SYPL1: variants seen among roughly 807,000 people sequenced by gnomAD.
SYPL1 encodes synaptophysin like 1.
Under a neutral mutation model 23.7 loss-of-function variants are expected in SYPL1, and 6 were observed. The observed-to-expected ratio is 0.25, with a 90% CI of 0.14 to 0.50. The LOEUF (loss-of-function observed/expected upper bound fraction) is 0.50. Among genes scored for constraint, SYPL1 ranks in the 20% least tolerant of loss-of-function variants. The pLI is 0.98. For missense variants in SYPL1, 253 were observed against 288.9 expected (o/e 0.88, Z 0.90); for synonymous variants, 102 against 104.5 (o/e 0.98, Z 0.15).
intron 2 of SYPL1, 58 bp downstream of exon 2, chr7:106,099,100 A>G (rs12540052): frequency 0.13 from 209,375 of 1,563,000 alleles, 18,462 homozygotes; most frequent in African/African-American, 0.41. Flanking sequence ...TGGAAATCTT[A>G]ATGACTCACT....
rs1287738772 is a variant in SYPL1, at chr7:106,091,065, T to C, written c.*740A>G. The C allele has an allele frequency of 6.6e-6, 1 of 152,154 alleles. No individual in the cohort carries two copies. The highest frequency in any genetic ancestry group is 1.9e-4 in the East Asian group (1 of 5,194). 9.4% of individuals were successfully genotyped at this position (152,154 alleles called of 1,614,324 possible). A position where few individuals can be genotyped will look rare whatever the true frequency, so the allele number is the denominator to read the frequency against. ...AGGAAACAAATATCACTAAGAGTAA[T>C]GCCCATACATATAAAGATATCTAGT... On this transcript the variant is annotated 3_prime_UTR_variant, in exon 5 of 5. Transcript: ENST00000455385. The surrounding 1 kb of genome is among the most constrained non-coding windows in gnomAD (Gnocchi z 5.0).
intron 1 of SYPL1, 34 bp from the exon 2 acceptor site, chr7:106,099,316 A>G (rs770471246): frequency 6.3e-7 from 1 of 1,588,934 alleles, no homozygotes; most frequent in Non-Finnish European, 8.5e-7. Flanking sequence ...GACAAAAGAA[A>G]AAAAAGATAA....
chr7:106,099,678 G>A (rs572025115), intron 1 of SYPL1, among the ~76,000 whole-genome samples: 52 of 152,246 alleles, frequency 3.4e-4, no homozygotes, highest in Non-Finnish European at 6.0e-4. Context: ...ACAGGTGTGA[G>A]TCACTGTGCC....
rs983583928 is a variant in SYPL1 at position 106,097,650 on chromosome 7, C to A, written c.402+40G>T. 57 of 1,518,106 alleles carry A rather than the reference C, an allele frequency of 3.8e-5. No homozygotes were observed. Among genetic ancestry groups the A allele is most frequent in the Admixed American group, 5.7e-5 (3 of 52,598 alleles). The allele number at this position is 1,518,106 out of a possible 1,614,324, so 94.0% of individuals were successfully genotyped here. ...TAAGAAAATCTATATTTAGCTTATA[C>A]AAATTATTTTTGTATTTAAAAAATA... is the stretch of plus-strand genomic sequence containing the variant. On this transcript the variant is annotated intron_variant, in intron 3 of 4. Coordinates refer to ENST00000455385, the MANE Select transcript of SYPL1 (RefSeq NM_182715.4). The surrounding 1 kb of genome is among the most constrained non-coding windows in gnomAD (Gnocchi z 4.6).
At chr7:106,092,369 C>T (rs900435722) in intron 4 of SYPL1, among the ~76,000 whole-genome samples, 1 of 152,154 alleles carries the variant, frequency 6.6e-6, no homozygotes, top group Non-Finnish European at 1.5e-5. Flanking sequence ...AATGAGTTAA[C>T]CTCAAAGAAA....
intron 1 of SYPL1, among the ~76,000 whole-genome samples, chr7:106,110,373 T>C (rs1404678535): frequency 6.6e-6 from 1 of 152,234 alleles, no homozygotes; most frequent in African/African-American, 2.4e-5. Context: ...TATGAAGTCC[T>C]CCCTAGTTCC....
At chr7:106,094,370 T>C (rs573330529) in intron 3 of SYPL1, among the ~76,000 whole-genome samples, 1 of 152,242 alleles carries the variant, frequency 6.6e-6, no homozygotes, top group Non-Finnish European at 1.5e-5. Flanking sequence ...CTATGCTATA[T>C]AGCTTGCCCA....
At chr7:106,111,669 C>T (rs1378024006) in intron 1 of SYPL1, among the ~76,000 whole-genome samples, 2 of 152,250 alleles carry the variant, frequency 1.3e-5, no homozygotes, top group Non-Finnish European at 2.9e-5. Context: ...GGAATGCTCG[C>T]CAAATCACGT....
upstream of SYPL1, chr7:106,112,313 G>A (rs1790212380): frequency 3.0e-6 from 4 of 1,311,922 alleles, no homozygotes; most frequent in Non-Finnish European, 2.9e-6. Context: ...GGGCTGGCGC[G>A]CTGGCCGGGC....
At position 106,112,203 on chromosome 7, in the gene SYPL1, G is replaced by C; in HGVS notation, c.6C>G (p.Ser2=). ...GCGGGTTGAGGTTGATCTGGAAGCC[G>C]GACATCCTCTGAGGAAAGGAGGGAG... M[S]GFQINLNPLK... is the part of the protein sequence containing the mutation. Residue 2 remains serine (S), a synonymous_variant, in exon 1 of 5, where the codon TCC becomes TCG. Transcript: ENST00000455385. 6.5e-7 allele frequency: 1 copy of C among 1,543,980 alleles called. No individual in the cohort carries two copies. The highest frequency in any genetic ancestry group is 8.8e-7 in the Non-Finnish European group (1 of 1,137,550).
intron 1 of SYPL1, among the ~76,000 whole-genome samples, chr7:106,101,411 T>C (rs1245791996): frequency 7.9e-6 from 1 of 126,118 alleles, no homozygotes; most frequent in Non-Finnish European, 1.7e-5. Flanking sequence ...ATTATAGTAA[T>C]TGTCAAGGGT....
rs1226651633 is a variant in SYPL1 at position 106,090,813 on chromosome 7, G to T, written c.*992C>A. 1.3e-5 allele frequency: 2 copies of T among 152,158 alleles called. No individual in the cohort carries two copies. Among genetic ancestry groups the T allele is most frequent in the East Asian group, 1.9e-4 (1 of 5,200 alleles). 9.4% of individuals were successfully genotyped at this position (152,158 alleles called of 1,614,324 possible). A position where few individuals can be genotyped will look rare whatever the true frequency, so the allele number is the denominator to read the frequency against. On this transcript the variant is annotated 3_prime_UTR_variant, in exon 5 of 5. Coordinates refer to ENST00000455385, the MANE Select transcript of SYPL1 (RefSeq NM_182715.4). ...AATCATTCATTTGTGAAACAAGAAT[G>T]AATATTAAGAAACATGAAATCCAAA...
At chr7:106,112,095 C>G (rs765433521) in intron 1 of SYPL1, 45 bp downstream of exon 1, 1 of 1,389,198 alleles carries the variant, frequency 7.2e-7, no homozygotes, top group Non-Finnish European at 9.5e-7. Flanking sequence ...CCTAGGGCGC[C>G]GCGCCGAGCG....
Position 106,091,939 on chromosome 7 carries a change from T to C in SYPL1, c.592A>G (p.Ile198Val), listed in dbSNP as rs749772936. The change falls in exon 5 of 5, where the codon ATA becomes GTA. Residue 198 changes from isoleucine to valine, a missense_variant and splice_region_variant. Transcript: ENST00000455385. The surrounding 1 kb of genome is among the most constrained non-coding windows in gnomAD (Gnocchi z 5.0). ...AGTATCATATTTAGAAAGCCAAATA[T>C]CTATGAAAGAGAAAAAGAAATATGA... Reference protein sequence around the residue: ...TSMGSLNVSVIFGFLNMILWG... With the variant: ...TSMGSLNVSVVFGFLNMILWG... The C allele has an allele frequency of 2.5e-6, 4 of 1,596,028 alleles. No homozygotes were observed. Among genetic ancestry groups the C allele is most frequent in the Non-Finnish European group, 2.6e-6 (3 of 1,175,440 alleles).
Position 106,099,280 on chromosome 7 carries a change from A to T in SYPL1, c.72T>A (p.Ile24=). The T allele has an allele frequency of 6.2e-7, 1 of 1,605,960 alleles. No individual in the cohort carries two copies. Among genetic ancestry groups the T allele is most frequent in the Non-Finnish European group, 8.5e-7 (1 of 1,177,820 alleles). The change falls in exon 2 of 5, where the codon ATT becomes ATA. Residue 24 remains isoleucine, a splice_region_variant and synonymous_variant. Coordinates refer to ENST00000455385, the MANE Select transcript of SYPL1 (RefSeq NM_182715.4). ...PLGFIKVLEW[I]ASIFAFATCG... ...AGGTGGCAAAAGCAAAGATAGAAGC[A>T]ATCTACACAAAGTAAGATGAAAAAA...
At chr7:106,107,360 T>G (rs778038403) in intron 1 of SYPL1, among the ~76,000 whole-genome samples, 2 of 152,214 alleles carry the variant, frequency 1.3e-5, no homozygotes, top group Non-Finnish European at 1.5e-5. Flanking sequence ...ACAAAGTGCT[T>G]CAGTTTCACT....
In SYPL1 at chr7:106,100,305, ATCAAACT is replaced by A. The variant is rs1171411475; in HGVS notation, c.70-1030_70-1024del. ...GAAGCAACCTAAATGTTGACAGGGA[ATCAAACT>A]ATAATTCATCCATTCATTCATTCAT... On this transcript the variant is annotated intron_variant, in intron 1 of 4. Transcript: ENST00000455385. This position sits in a 1 kb window ranked among gnomAD's most constrained non-coding sequence, Gnocchi z 5.1. Among the ~76,000 whole-genome samples, 2 of 152,258 alleles carry A rather than the reference ATCAAACT, an allele frequency of 1.3e-5. No individual in the cohort carries two copies. The highest frequency in any genetic ancestry group is 4.8e-5 in the African/African-American group (2 of 41,470).
At chr7:106,110,451 A>T (rs1480566150) in intron 1 of SYPL1, among the ~76,000 whole-genome samples, 1 of 152,192 alleles carries the variant, frequency 6.6e-6, no homozygotes, top group African/African-American at 2.4e-5. Flanking sequence ...ACAGTTTATT[A>T]CATGGCATTT....
chr7:106,091,861 A>G lies in SYPL1; in HGVS notation c.670T>C (p.Ser224Pro). 1 of 1,613,810 alleles carries G rather than the reference A, an allele frequency of 6.2e-7. No homozygotes were observed. ...VYKETSLHSP[S>P]NTSAPHSQGG... ...TGGCTATGAGGGGCAGATGTATTTG[A>G]TGGACTGTGTAGGCTGGTCTCCTTG... Residue 224 changes from serine (S) to proline (P), a missense_variant, in exon 5 of 5, where the codon TCA (serine) becomes CCA (proline). Ser to Pro is a moderately conservative substitution (Grantham distance 74). Coordinates refer to ENST00000455385, the MANE Select transcript of SYPL1 (RefSeq NM_182715.4). This position sits in a 1 kb window ranked among gnomAD's most constrained non-coding sequence, Gnocchi z 5.0.
Sources: gnomAD v4.1 joint callset for allele counts (sites outside exome capture counted in the v4.1 genomes callset) on GRCh38, gnomAD v4.1.1 for gene constraint, Gnocchi (gnomAD v3.1) non-coding constraint, MANE v1.5 for transcripts, NCBI Gene and HGNC (gene_info 2026-07-23, HGNC 2026-07-21) for gene names.